The following PEX14 variants were observed in gnomAD, a reference collection of about 807,000 sequenced individuals.
PEX14 encodes the protein peroxisomal membrane protein PEX14.
A neutral mutation model predicts 49.5 loss-of-function variants in PEX14; 15 were observed. That is an observed-to-expected ratio of 0.30 (90% CI 0.20 to 0.47). The LOEUF is 0.47. Among genes scored for constraint, PEX14 ranks in the 20% least tolerant of loss-of-function variants. The pLI is 1.00. For synonymous variants in PEX14, 210 were observed against 212.7 expected (o/e 0.99, Z 0.11); for missense variants, 398 against 494.8 (o/e 0.80, Z 1.86).
In PEX14 at chr1:10,539,919, CT is replaced by C. The variant is rs1480544495; in HGVS notation, c.169+3624del. Among the ~76,000 whole-genome samples, 2 of 152,142 alleles carry C rather than the reference CT, an allele frequency of 1.3e-5. No homozygotes were observed. The highest frequency in any genetic ancestry group is 1.3e-4 in the Admixed American group (2 of 15,278). ...TCTAACATATCTGTTGCAAAGCAAGCTTCTAGGAAAGACAAACATCATCTAT... is the reference window on the plus strand; with the variant it reads ...TCTAACATATCTGTTGCAAAGCAAGCTCTAGGAAAGACAAACATCATCTAT... On this transcript the variant is annotated intron_variant, in intron 3 of 8. Coordinates refer to ENST00000356607, the MANE Select transcript of PEX14 (RefSeq NM_004565.3). This position sits in a 1 kb window ranked among gnomAD's most constrained non-coding sequence, Gnocchi z 4.6.
intron 4 of PEX14, among the ~76,000 whole-genome samples, chr1:10,614,934 A>G (rs777966890): frequency 3.3e-5 from 5 of 152,194 alleles, no homozygotes; most frequent in Non-Finnish European, 4.4e-5. Context: ...GACAGAAGAG[A>G]CACCTGACCA....
chr1:10,601,075 A>AAC (rs1414375246), intron 4 of PEX14, among the ~76,000 whole-genome samples: 1 of 152,188 alleles, frequency 6.6e-6, no homozygotes. Flanking sequence ...CAGCCTGGCC[A>AAC]ATGTGGCAAA....
intron 2 of PEX14, among the ~76,000 whole-genome samples, chr1:10,519,643 C>T (rs1371848749): frequency 6.6e-6 from 1 of 152,200 alleles, no homozygotes; most frequent in Admixed American, 6.5e-5. Context: ...TGTGTTTCAG[C>T]CTTGGCATTA....
intron 3 of PEX14, among the ~76,000 whole-genome samples, chr1:10,587,347 C>T (rs892975068): frequency 2.0e-5 from 3 of 151,838 alleles, no homozygotes; most frequent in East Asian, 1.9e-4. Context: ...CCCAGCTTCT[C>T]GGTAGGCTGA....
At chr1:10,509,088 C>T (rs200079847) in intron 2 of PEX14, among the ~76,000 whole-genome samples, 9 of 152,170 alleles carry the variant, frequency 5.9e-5, no homozygotes, top group East Asian at 1.9e-4. Context: ...AGGCGCCCGC[C>T]GCCACGTCCG....
intron 2 of PEX14, among the ~76,000 whole-genome samples, chr1:10,507,191 C>G (rs145472655): frequency 1.3e-5 from 2 of 152,218 alleles, no homozygotes; most frequent in African/African-American, 4.8e-5. Context: ...CATTCAAGTT[C>G]CTACAGCTAA....
intron 2 of PEX14, among the ~76,000 whole-genome samples, chr1:10,502,295 G>A (rs1049641386): frequency 2.0e-5 from 3 of 152,048 alleles, no homozygotes; most frequent in Non-Finnish European, 4.4e-5. Context: ...CAGATCTGCC[G>A]AAAAAAGCTA....
chr1:10,558,736 C>CAAAAAAAA (rs34343338), intron 3 of PEX14, among the ~76,000 whole-genome samples: 4 of 113,418 alleles, frequency 3.5e-5, no homozygotes, highest in Non-Finnish European at 5.7e-5. Flanking sequence ...GACCCTGTCT[C>CAAAAAAAA]AAAAAAAAAA....
chr1:10,603,240 C>G (rs939906227), intron 4 of PEX14, among the ~76,000 whole-genome samples: 1 of 152,208 alleles, frequency 6.6e-6, no homozygotes, highest in African/African-American at 2.4e-5. Flanking sequence ...ACGGTCAGTA[C>G]TATATCATGC....
intron 3 of PEX14, among the ~76,000 whole-genome samples, chr1:10,577,968 C>T (rs554733786): frequency 4.6e-5 from 7 of 151,882 alleles, no homozygotes; most frequent in East Asian, 2.0e-4. Context: ...AGGGGAGCCA[C>T]CTTTATAAGG....
At chr1:10,587,468 C>T (rs959537827) in intron 3 of PEX14, among the ~76,000 whole-genome samples, 2 of 151,902 alleles carry the variant, frequency 1.3e-5, no homozygotes, top group Admixed American at 1.3e-4. Flanking sequence ...AATAAAATAA[C>T]GAGACAATTT....
chr1:10,612,300 G>T (rs778544992), intron 4 of PEX14, among the ~76,000 whole-genome samples: 1 of 151,850 alleles, frequency 6.6e-6, no homozygotes, highest in Non-Finnish European at 1.5e-5. Flanking sequence ...GACCATGTAA[G>T]CATGGGTCTA....
intron 3 of PEX14, among the ~76,000 whole-genome samples, chr1:10,592,876 G>A (rs1402103784): frequency 2.0e-5 from 3 of 152,268 alleles, no homozygotes; most frequent in East Asian, 3.9e-4. Flanking sequence ...TTCTGGGCTC[G>A]CCTGCTGTTG....
At chr1:10,545,165 ATGTTGT>A (rs1020440172) in intron 3 of PEX14, among the ~76,000 whole-genome samples, 5 of 152,264 alleles carry the variant, frequency 3.3e-5, no homozygotes, top group African/African-American at 1.2e-4. Flanking sequence ...AAGTTTGGCC[ATGTTGT>A]TGTATATACT....
chr1:10,485,758 GTT>G (rs544485030), intron 1 of PEX14, among the ~76,000 whole-genome samples: 3 of 139,898 alleles, frequency 2.1e-5, no homozygotes, highest in Non-Finnish European at 1.6e-5. Context: ...AATTCTAGTA[GTT>G]TTTTTTTTTT....
intron 2 of PEX14, among the ~76,000 whole-genome samples, chr1:10,516,853 G>A (rs1641978219): frequency 6.6e-6 from 1 of 152,210 alleles, no homozygotes; most frequent in Admixed American, 6.5e-5. Flanking sequence ...TGATCCCGAG[G>A]TCACGGGCTG....
intron 1 of PEX14, among the ~76,000 whole-genome samples, chr1:10,490,824 C>T (rs1465981450): frequency 6.6e-6 from 1 of 151,556 alleles, no homozygotes; most frequent in East Asian, 1.9e-4. Flanking sequence ...ACTTCAACCT[C>T]CTGGGTAGTT....
chr1:10,485,039 T>C (rs1641343791), intron 1 of PEX14, among the ~76,000 whole-genome samples: 1 of 151,772 alleles, frequency 6.6e-6, no homozygotes, highest in Non-Finnish European at 1.5e-5. Context: ...CACAGGGGCA[T>C]GGATACCAGG....
chr1:10,487,481 C>CTTTTTTTTTTTTTTTTTT (rs33968565), intron 1 of PEX14, among the ~76,000 whole-genome samples: 10 of 86,752 alleles, frequency 1.2e-4, no homozygotes, highest in African/African-American at 1.3e-4. Context: ...TTCTTTCTTT[C>CTTTTTTTTTTTTTTTTTT]TTTTTTTTTT....
Sources: gnomAD v4.1 joint callset for allele counts (sites outside exome capture counted in the v4.1 genomes callset) on GRCh38, gnomAD v4.1.1 for gene constraint, Gnocchi (gnomAD v3.1) non-coding constraint, MANE v1.5 for transcripts, NCBI Gene and HGNC (gene_info 2026-07-23, HGNC 2026-07-21) for gene names.